Variants in FAM91A1 observed in about 807,000 individuals in gnomAD.
The protein encoded by FAM91A1 is family with sequence similarity 91 member A1, also known as protein FAM91A1.
A neutral mutation model predicts 113.5 loss-of-function variants in FAM91A1; 41 were observed. That is an observed-to-expected ratio of 0.36 (90% CI 0.28 to 0.47). The LOEUF (loss-of-function observed/expected upper bound fraction) is 0.47. FAM91A1 is among the 20% of genes least tolerant of loss of function. The pLI is 1.00. For synonymous variants in FAM91A1, 307 were observed against 347.9 expected (o/e 0.88, Z 1.31); for missense variants, 696 against 1,001.2 (o/e 0.70, Z 4.11).
Position 123,784,759 on chromosome 8 carries a change from T to A in FAM91A1, c.810+183T>A, listed in dbSNP as rs200105511. The A allele has an allele frequency of 3.6e-5, 16 of 440,638 alleles. No homozygotes were observed. The East Asian group carries it at 6.6e-4, about 18-fold the overall frequency. 27.3% of individuals were successfully genotyped at this position (440,638 alleles called of 1,614,324 possible). Reference sequence around the variant, plus strand: ...AAATGTATATTAAAATTTAAGTTAATAATTTATAGTTTGGTTAACTTTTTA... The same window carrying A: ...AAATGTATATTAAAATTTAAGTTAAAAATTTATAGTTTGGTTAACTTTTTA... On this transcript the variant is annotated intron_variant, in intron 9 of 23. Coordinates refer to ENST00000334705, the MANE Select transcript of FAM91A1 (RefSeq NM_144963.4).
At position 123,804,791 on chromosome 8, in the gene FAM91A1, G is replaced by A. The variant is rs532112731; in HGVS notation, c.1810-476G>A. ...TAATTTAGTTAACCAGTCCCCTGTT[G>A]GTGGACATTTTGGTTGTTTCCAATT... is the stretch of plus-strand genomic sequence containing the variant. On this transcript the variant is annotated intron_variant, in intron 18 of 23. Coordinates refer to ENST00000334705, the MANE Select transcript of FAM91A1 (RefSeq NM_144963.4). 7.4e-4 allele frequency among the ~76,000 whole-genome samples: 112 copies of A among 152,234 alleles called. 1 individual carries two copies. The highest frequency in any genetic ancestry group is 2.6e-3 in the African/African-American group (110 of 41,520).
At chr8:123,794,708 A>G (rs1815466974) in intron 15 of FAM91A1, among the ~76,000 whole-genome samples, 1 of 152,236 alleles carries the variant, frequency 6.6e-6, no homozygotes, top group Non-Finnish European at 1.5e-5. Context: ...TCATTGATTT[A>G]GTGCAGTACC....
At chr8:123,779,273 C>T (rs1301351403) in intron 6 of FAM91A1, among the ~76,000 whole-genome samples, 1 of 152,136 alleles carries the variant, frequency 6.6e-6, no homozygotes, top group Non-Finnish European at 1.5e-5. Context: ...TTTGGCAGTT[C>T]ACCATGAAAC....
chr8:123,803,050 G>A (rs1815724146), intron 18 of FAM91A1, among the ~76,000 whole-genome samples: 1 of 152,184 alleles, frequency 6.6e-6, no homozygotes, highest in Non-Finnish European at 1.5e-5. Context: ...GCTCACGCCT[G>A]TAATTCCAGC....
intron 16 of FAM91A1, among the ~76,000 whole-genome samples, 187 bp downstream of exon 16, chr8:123,798,425 CCTAGTGA>C (rs1242769250): frequency 1.3e-5 from 2 of 152,086 alleles, no homozygotes; most frequent in Non-Finnish European, 2.9e-5. Flanking sequence ...ATAAGTATCA[CCTAGTGA>C]CTTGTGACAC....
chr8:123,786,347 C>A, intron 11 of FAM91A1, 148 bp from the exon 12 acceptor site: 1 of 620,860 alleles, frequency 1.6e-6, no homozygotes, highest in African/African-American at 1.8e-5. Flanking sequence ...GTAGGCAGAG[C>A]ATTTTTGGGC....
At chr8:123,808,798 T>C in intron 21 of FAM91A1, 95 bp from the exon 22 acceptor site, 2 of 1,241,272 alleles carry the variant, frequency 1.6e-6, no homozygotes, top group Non-Finnish European at 2.2e-6. Context: ...GAGGAATCTA[T>C]GAACTTCAGG....
chr8:123,785,651 G>T lies in FAM91A1; in HGVS notation c.872G>T (p.Arg291Leu), dbSNP rs370830528. Residue 291 changes from arginine to leucine, a missense_variant, in exon 11 of 24, where the codon CGA (arginine) becomes CTA (leucine). By Grantham distance (102) the Arg-to-Leu change is moderately radical. Transcript: ENST00000334705. Reference protein sequence around the residue: ...LVKNAVSMYCRLGFAHKKGQV... With the variant: ...LVKNAVSMYCLLGFAHKKGQV... ...CAGAATGCTGTTTCAATGTATTGCC[G>T]ATTGGGCTTTGCCCATAAGAAGGGA... The T allele has an allele frequency of 6.2e-6, 10 of 1,603,158 alleles. No individual in the cohort carries two copies. Among genetic ancestry groups the T allele is most frequent in the Non-Finnish European group, 8.5e-7 (1 of 1,176,840 alleles).
chr8:123,789,014 G>T (rs1375879451), intron 14 of FAM91A1, among the ~76,000 whole-genome samples: 1 of 152,056 alleles, frequency 6.6e-6, no homozygotes, highest in Non-Finnish European at 1.5e-5. Flanking sequence ...TTATTAAAAG[G>T]TGACTTATTC....
chr8:123,800,537 A>C (rs181190218), intron 18 of FAM91A1, among the ~76,000 whole-genome samples: 1 of 152,194 alleles, frequency 6.6e-6, no homozygotes, highest in Non-Finnish European at 1.5e-5. Flanking sequence ...ACAATTCACC[A>C]ATTTAAATTG....
chr8:123,786,638 G>C (rs1815265412), intron 12 of FAM91A1, 28 bp downstream of exon 12: 1 of 1,544,180 alleles, frequency 6.5e-7, no homozygotes, highest in African/African-American at 1.4e-5. Context: ...TTAACATAGA[G>C]TCTGTCTGTA....
intron 6 of FAM91A1, among the ~76,000 whole-genome samples, chr8:123,779,542 T>C (rs1459762596): frequency 6.6e-6 from 1 of 152,208 alleles, no homozygotes; most frequent in Non-Finnish European, 1.5e-5. Flanking sequence ...ACGTACTAAA[T>C]CCATTGAGTG....
Position 123,775,267 on chromosome 8 carries a change from C to T in FAM91A1, c.278C>T (p.Thr93Ile), listed in dbSNP as rs959233207. 6.2e-7 allele frequency: 1 copy of T among 1,613,824 alleles called. No individual in the cohort carries two copies. The highest frequency in any genetic ancestry group is 8.5e-7 in the Non-Finnish European group (1 of 1,179,928). The change falls in exon 3 of 24, where the codon ACA (threonine) becomes ATA (isoleucine). Residue 93 changes from threonine to isoleucine, a missense_variant. Transcript: ENST00000334705. ...ATTATGGTGAAAGGCTTGAGGATAA[C>T]ACCATTTTCATATTATACTGGGATT... is the stretch of plus-strand genomic sequence containing the variant. ...SDIMVKGLRITPFSYYTGIME... is the reference protein window; with the variant it reads ...SDIMVKGLRIIPFSYYTGIME...
At chr8:123,797,282 G>A (rs1815548785) in intron 15 of FAM91A1, among the ~76,000 whole-genome samples, 1 of 152,154 alleles carries the variant, frequency 6.6e-6, no homozygotes, top group Non-Finnish European at 1.5e-5. Context: ...TACAGACACT[G>A]CAGCTAAAGC....
chr8:123,786,036 G>A (rs12549683), intron 11 of FAM91A1: 4 of 410,154 alleles, frequency 9.8e-6, no homozygotes, highest in Non-Finnish European at 1.9e-5. Flanking sequence ...CCAGGCTGGT[G>A]TCGAACTCCT....
At chr8:123,774,468 A>G (rs559731471) in intron 2 of FAM91A1, among the ~76,000 whole-genome samples, 72 of 152,212 alleles carry the variant, frequency 4.7e-4, no homozygotes, top group African/African-American at 1.5e-3. Flanking sequence ...GAAAAAGTAT[A>G]TTAGTTCTTA....
rs1235613420 is a variant in FAM91A1, at chr8:123,789,463, A to G, written c.1279-150A>G. On this transcript the variant is annotated intron_variant, in intron 14 of 23. Transcript: ENST00000334705. ...TAGTAAAATTGGGAACTCAACCAAG[A>G]CTGAGGTTAATAACTTGTTTCGGTA... 3 of 1,065,228 alleles carry G rather than the reference A, an allele frequency of 2.8e-6. No individual in the cohort carries two copies. The East Asian group carries it at 7.8e-5, about 28-fold the overall frequency. The allele number at this position is 1,065,228 out of a possible 1,614,324, so 66.0% of individuals were successfully genotyped here.
At position 123,768,499 on chromosome 8, in the gene FAM91A1, C is replaced by G. The variant is rs1365598977; in HGVS notation, c.-204C>G. The G allele has an allele frequency of 4.0e-6, 2 of 494,670 alleles. No individual in the cohort carries two copies. The highest frequency in any genetic ancestry group is 7.1e-6 in the Non-Finnish European group (2 of 281,644). 30.6% of individuals were successfully genotyped at this position (494,670 alleles called of 1,614,324 possible). ...CTTGGAGCTGTTCAGGCGATCCAGC[C>G]TCCAATCGCTGCTGCTCTTGTACTC... On this transcript the variant is annotated 5_prime_UTR_variant, in exon 1 of 24. Coordinates refer to ENST00000334705, the MANE Select transcript of FAM91A1 (RefSeq NM_144963.4).
At position 123,787,667 on chromosome 8, in the gene FAM91A1, T is replaced by TTGAAAAGTCA; in HGVS notation, c.1198_1207dup (p.Ala403GlufsTer9). 1 of 1,610,138 alleles carries TTGAAAAGTCA rather than the reference T, an allele frequency of 6.2e-7. No homozygotes were observed. The highest frequency in any genetic ancestry group is 8.5e-7 in the Non-Finnish European group (1 of 1,178,666). On this transcript the variant is annotated frameshift_variant, in exon 14 of 24. Coordinates refer to ENST00000334705, the MANE Select transcript of FAM91A1 (RefSeq NM_144963.4). LOFTEE classifies it high-confidence loss of function. ...ATATTTTGTTTCTTTTTTTCAGAACTTGAAAAGTCATGCAGTCACAATGTT... is the reference window on the plus strand; with the variant it reads ...ATATTTTGTTTCTTTTTTTCAGAACTTGAAAAGTCATGAAAAGTCATGCAGTCACAATGTT...
Sources: gnomAD v4.1 joint callset for allele counts (sites outside exome capture counted in the v4.1 genomes callset) on GRCh38, gnomAD v4.1.1 for gene constraint, MANE v1.5 for transcripts, NCBI Gene and HGNC (gene_info 2026-07-23, HGNC 2026-07-21) for gene names.